DPYS: variants seen among roughly 807,000 people sequenced by gnomAD.
The protein encoded by DPYS is dihydropyrimidine amidohydrolase.
In DPYS, 39 loss-of-function variants were observed where a neutral mutation model predicts 50.3. That is an observed-to-expected ratio of 0.78 (90% CI 0.60 to 1.01). The LOEUF is 1.01. Ranked by LOEUF, DPYS falls within the 50% of genes least tolerant of loss-of-function variation. The probability of loss-of-function intolerance (pLI) is 0.00; values close to 1 mark genes in which losing one functional copy is unlikely to be tolerated. For missense variants in DPYS, 659 were observed against 680.9 expected, an observed-to-expected ratio of 0.97 and a Z score of 0.36; for synonymous variants, 245 against 250.7, an observed-to-expected ratio of 0.98 and a Z score of 0.22.
intron 1 of DPYS, among the ~76,000 whole-genome samples, chr8:104,464,320 C>A (rs935213968): frequency 2.6e-5 from 4 of 152,114 alleles, no homozygotes; most frequent in African/African-American, 9.7e-5. Context: ...GATAGAAGAC[C>A]AAGAACCACT....
intron 7 of DPYS, among the ~76,000 whole-genome samples, chr8:104,407,409 T>C (rs1446220774): frequency 2.0e-5 from 3 of 152,158 alleles, no homozygotes; most frequent in African/African-American, 4.8e-5. Flanking sequence ...GGTAGGATGA[T>C]TAGGGATAAA....
rs1284941724 is a variant in DPYS at position 104,419,083 on chromosome 8, A to G, written c.1235+5164T>C. On this transcript the variant is annotated intron_variant, in intron 7 of 9. Transcript: ENST00000351513. Reference sequence around the variant, plus strand: ...AAATGAAGGGGCACTTAAAGAAAATAAGACCAGCGAGACAGTTCTTCCTCC... The same window carrying G: ...AAATGAAGGGGCACTTAAAGAAAATGAGACCAGCGAGACAGTTCTTCCTCC... 1.0e-5 allele frequency: 10 copies of G among 985,254 alleles called. No homozygotes were observed. In the Admixed American group the frequency reaches 1.8e-4, roughly 18 times the overall value. The allele number at this position is 985,254 out of a possible 1,614,324, so 61.0% of individuals were successfully genotyped here.
At chr8:104,398,219 T>C (rs1811654204) in intron 7 of DPYS, among the ~76,000 whole-genome samples, 1 of 152,162 alleles carries the variant, frequency 6.6e-6, no homozygotes, top group African/African-American at 2.4e-5. Flanking sequence ...GGCAAGTTGG[T>C]GACACAGGAA....
chr8:104,398,320 G>C (rs1345751216), intron 7 of DPYS, among the ~76,000 whole-genome samples: 1 of 152,234 alleles, frequency 6.6e-6, no homozygotes, highest in Non-Finnish European at 1.5e-5. Context: ...AGCAGGATCT[G>C]AGCTCCACTG....
chr8:104,423,541 C>T (rs973912665), intron 7 of DPYS, among the ~76,000 whole-genome samples: 1 of 152,286 alleles, frequency 6.6e-6, no homozygotes, highest in Non-Finnish European at 1.5e-5. Flanking sequence ...CAGAAGTCCA[C>T]GCAAGTGCAC....
intron 1 of DPYS, among the ~76,000 whole-genome samples, chr8:104,460,605 A>G (rs113413465): frequency 6.6e-6 from 1 of 152,314 alleles, no homozygotes; most frequent in Non-Finnish European, 1.5e-5. Context: ...CATGTGAGAG[A>G]GAAAACAAGG....
intron 7 of DPYS, among the ~76,000 whole-genome samples, chr8:104,417,221 C>T (rs1475833842): frequency 6.6e-6 from 1 of 152,162 alleles, no homozygotes; most frequent in East Asian, 1.9e-4. Flanking sequence ...TGTTTGTGTG[C>T]TTGAGATTCT....
chr8:104,432,369 G>T (rs1462567464), intron 4 of DPYS, among the ~76,000 whole-genome samples: 1 of 152,172 alleles, frequency 6.6e-6, no homozygotes, highest in African/African-American at 2.4e-5. Context: ...TTAGATGACG[G>T]TGATAGAGCA....
intron 8 of DPYS, among the ~76,000 whole-genome samples, chr8:104,382,192 G>A (rs537259466): frequency 2.0e-5 from 3 of 152,022 alleles, no homozygotes; most frequent in Admixed American, 1.3e-4. Flanking sequence ...ACCAAACACC[G>A]AGGATCCAAC....
At chr8:104,415,285 G>A (rs919453221) in intron 7 of DPYS, among the ~76,000 whole-genome samples, 5 of 152,188 alleles carry the variant, frequency 3.3e-5, no homozygotes, top group Non-Finnish European at 5.9e-5. Context: ...ACACAGCCTC[G>A]CTTGGTGCTT....
chr8:104,422,532 T>C (rs1812583139), intron 7 of DPYS, among the ~76,000 whole-genome samples: 1 of 152,200 alleles, frequency 6.6e-6, no homozygotes, highest in Non-Finnish European at 1.5e-5. Context: ...ATATTTGTCT[T>C]TCCTGGTAAA....
At chr8:104,444,782 G>C (rs1490351156) in intron 3 of DPYS, among the ~76,000 whole-genome samples, 8 of 152,054 alleles carry the variant, frequency 5.3e-5, no homozygotes, top group African/African-American at 1.9e-4. Flanking sequence ...AAGTTAAAAA[G>C]CTTCTGCATA....
At chr8:104,461,120 CAA>C (rs367619842) in intron 1 of DPYS, among the ~76,000 whole-genome samples, 12 of 112,370 alleles carry the variant, frequency 1.1e-4, no homozygotes, top group Admixed American at 9.8e-5. Context: ...CCTGTCTCTA[CAA>C]AAAAAAAAAA....
chr8:104,458,019 G>A (rs191970983), intron 1 of DPYS, among the ~76,000 whole-genome samples: 1 of 152,194 alleles, frequency 6.6e-6, no homozygotes, highest in Admixed American at 6.5e-5. Context: ...CACTGGACTA[G>A]CACAGTGAAG....
At chr8:104,443,914 G>A (rs528750980) in intron 4 of DPYS, among the ~76,000 whole-genome samples, 36 of 152,134 alleles carry the variant, frequency 2.4e-4, no homozygotes, top group African/African-American at 8.7e-4. Context: ...ACAAAAACCG[G>A]AGAGCTTTGC....
rs5893688 is a variant in DPYS at position 104,461,291 on chromosome 8, CAATAAAATAAAATAAAATAA to C, written c.264+5346_264+5365del. Among the ~76,000 whole-genome samples the C allele has an allele frequency of 1.1e-3, 119 of 110,270 alleles. 1 individual carries two copies. The highest frequency in any genetic ancestry group is 9.8e-4 in the East Asian group (4 of 4,080). 72.3% of individuals were successfully genotyped at this position (110,270 alleles called of 152,430 possible). On this transcript the variant is annotated intron_variant, in intron 1 of 9. Transcript: ENST00000351513. Reference sequence around the variant, plus strand: ...CAGGTGAGAGAGTGAGACCCTGTCTCAATAAAATAAAATAAAATAAAATAAAATAAAATAAAATAAAATAA... The same window carrying C: ...CAGGTGAGAGAGTGAGACCCTGTCTCAATAAAATAAAATAAAATAAAATAA...
intron 8 of DPYS, among the ~76,000 whole-genome samples, chr8:104,387,395 C>T (rs926562801): frequency 6.6e-6 from 1 of 152,178 alleles, no homozygotes; most frequent in South Asian, 2.1e-4. Context: ...CAAAGCTGGG[C>T]TGTCTCATTT....
At chr8:104,382,696 G>A (rs186522780) in intron 8 of DPYS, among the ~76,000 whole-genome samples, 86 of 152,170 alleles carry the variant, frequency 5.7e-4, no homozygotes, top group African/African-American at 2.0e-3. Flanking sequence ...TATAATCCAG[G>A]CCCGTCTGAG....
chr8:104,414,542 G>C (rs1427820583), intron 7 of DPYS, among the ~76,000 whole-genome samples: 1 of 151,916 alleles, frequency 6.6e-6, no homozygotes, highest in African/African-American at 2.4e-5. Flanking sequence ...TTGGTGTTTT[G>C]GTCAGGCCAT....
Sources: allele counts gnomAD v4.1 joint callset (sites outside exome capture counted in the v4.1 genomes callset), GRCh38; gene constraint gnomAD v4.1.1; transcripts MANE v1.5; gene names NCBI Gene and HGNC (gene_info 2026-07-23, HGNC 2026-07-21).